The following PTPRO variants were observed in gnomAD, a reference collection of about 807,000 sequenced individuals.
PTPRO encodes the protein receptor-type tyrosine-protein phosphatase O.
PTPRO carries 62 observed loss-of-function variants against 145.2 expected under a neutral mutation model. The ratio of observed to expected loss-of-function variants is 0.43; its 90% CI spans 0.35 to 0.53. The LOEUF (loss-of-function observed/expected upper bound fraction) is 0.53, where lower values mean the gene tolerates loss of function less well. Among genes scored for constraint, PTPRO ranks in the 20% least tolerant of loss-of-function variants. The probability of loss-of-function intolerance (pLI) is 0.01; values close to 1 mark genes in which losing one functional copy is unlikely to be tolerated. For synonymous variants in PTPRO, 565 were observed against 514.7 expected (o/e 1.10, Z -1.32); for missense variants, 1,345 against 1,482.7 (o/e 0.91, Z 1.53).
chr12:15,367,832 G>A (rs1938408423), intron 1 of PTPRO, among the ~76,000 whole-genome samples: 1 of 152,108 alleles, frequency 6.6e-6, no homozygotes. Flanking sequence ...GGACCTGACG[G>A]GCTGTTGTTG....
At chr12:15,464,066 A>G (rs1238532223) in intron 1 of PTPRO, among the ~76,000 whole-genome samples, 6 of 152,220 alleles carry the variant, frequency 3.9e-5, no homozygotes, top group African/African-American at 1.2e-4. Flanking sequence ...CAGAAATTTT[A>G]TATACAGAAC....
chr12:15,456,114 T>C (rs1320580221), intron 1 of PTPRO, among the ~76,000 whole-genome samples: 3 of 152,228 alleles, frequency 2.0e-5, no homozygotes, highest in Non-Finnish European at 4.4e-5. Context: ...GCATTTCATG[T>C]ATGTCCTTTA....
chr12:15,584,176 G>A (rs145226953), intron 23 of PTPRO, among the ~76,000 whole-genome samples: 39 of 152,316 alleles, frequency 2.6e-4, no homozygotes, highest in African/African-American at 9.4e-4. Flanking sequence ...AGTTTCAGAA[G>A]CAAGTGCTGT....
At chr12:15,551,739 G>A in intron 15 of PTPRO, 68 bp downstream of exon 15, 1 of 1,538,006 alleles carries the variant, frequency 6.5e-7, no homozygotes, top group Admixed American at 1.7e-5. Context: ...TATATATATT[G>A]TTTTTGCACA....
intron 12 of PTPRO, among the ~76,000 whole-genome samples, chr12:15,528,355 A>G (rs1011163335): frequency 4.2e-4 from 55 of 130,236 alleles, no homozygotes; most frequent in Non-Finnish European, 8.4e-4. Context: ...TCTCTAATAA[A>G]AATACAAAAA....
intron 2 of PTPRO, among the ~76,000 whole-genome samples, chr12:15,496,142 G>GTTTTTTTTTTTTTTTTTT (rs71042255): frequency 9.3e-5 from 7 of 75,358 alleles, no homozygotes; most frequent in Admixed American, 1.9e-4. Context: ...TTCTTTTTTT[G>GTTTTTTTTTTTTTTTTTT]TTTTTTTTTT....
intron 3 of PTPRO, among the ~76,000 whole-genome samples, chr12:15,498,628 A>G (rs1200006419): frequency 3.3e-5 from 5 of 151,680 alleles, no homozygotes; most frequent in Non-Finnish European, 7.4e-5. Flanking sequence ...TGAAAAAATC[A>G]AAGAAACACA....
At chr12:15,334,573 C>T (rs1419144130) in intron 1 of PTPRO, among the ~76,000 whole-genome samples, 1 of 152,120 alleles carries the variant, frequency 6.6e-6, no homozygotes, top group Non-Finnish European at 1.5e-5. Context: ...TTGTAATGCA[C>T]TGATCTATAT....
At chr12:15,323,486 A>T (rs560184695) in intron 1 of PTPRO, among the ~76,000 whole-genome samples, 1 of 152,284 alleles carries the variant, frequency 6.6e-6, no homozygotes, top group African/African-American at 2.4e-5. Flanking sequence ...GGAATGTGCT[A>T]CCCTGAGGTT....
At chr12:15,346,477 C>G (rs1867216886) in intron 1 of PTPRO, 1 of 152,202 alleles carries the variant, frequency 6.6e-6, no homozygotes, top group South Asian at 2.1e-4. Context: ...AAGAAGTTGT[C>G]TGCAGCTTGT....
At chr12:15,444,252 C>T (rs1940844977) in intron 1 of PTPRO, among the ~76,000 whole-genome samples, 1 of 152,026 alleles carries the variant, frequency 6.6e-6, no homozygotes, top group Non-Finnish European at 1.5e-5. Context: ...CAAGTCCTGA[C>T]CATTCTCACT....
chr12:15,513,155 GAAA>G lies in PTPRO; in HGVS notation c.1465-2340_1465-2338del, dbSNP rs375973212. On this transcript the variant is annotated intron_variant, in intron 7 of 26. Transcript: ENST00000281171. ...AGGAAGGAAGGAAGAAAGAAAGAAAGAAAAAGAAAGAAAGAAAGAAAGAAAGAA... is the reference window on the plus strand; with the variant it reads ...AGGAAGGAAGGAAGAAAGAAAGAAAGAAGAAAGAAAGAAAGAAAGAAAGAA... Among the ~76,000 whole-genome samples the G allele has an allele frequency of 7.0e-4, 17 of 24,374 alleles. 1 individual carries two copies. The highest frequency in any genetic ancestry group is 1.1e-3 in the Admixed American group (2 of 1,782). The allele number at this position is 24,374 out of a possible 152,430, so 16.0% of individuals were successfully genotyped here.
At position 15,516,918 on chromosome 12, in the gene PTPRO, T is replaced by C. The variant is rs773202128; in HGVS notation, c.1741T>C (p.Tyr581His). 6.2e-7 allele frequency: 1 copy of C among 1,614,048 alleles called. No homozygotes were observed. The highest frequency in any genetic ancestry group is 8.5e-7 in the Non-Finnish European group (1 of 1,179,866). The change falls in exon 9 of 27, where the codon TAT becomes CAT. Residue 581 changes from tyrosine to histidine, a missense_variant. Around this residue, in one of 3 missense-constraint regions of PTPRO, gnomAD observed 1,130 missense variants for 1,214.7 expected, o/e 0.93. Coordinates refer to ENST00000281171, the MANE Select transcript of PTPRO (RefSeq NM_030667.3). ...ATMTSEWTTYYEIAATVSLTA... is the reference protein window; with the variant it reads ...ATMTSEWTTYHEIAATVSLTA... Reference sequence around the variant, plus strand: ...AATGACATCAGAGTGGACCACCTACTATGAAATAGCAGCAACTGTTTCCTT... The same window carrying C: ...AATGACATCAGAGTGGACCACCTACCATGAAATAGCAGCAACTGTTTCCTT...
intron 1 of PTPRO, among the ~76,000 whole-genome samples, chr12:15,390,008 G>C (rs921536626): frequency 6.6e-6 from 1 of 152,148 alleles, no homozygotes; most frequent in African/African-American, 2.4e-5. Context: ...ACATACATGA[G>C]AGGCAGCAGT....
At chr12:15,507,431 A>AAATG (rs1425026351) in intron 6 of PTPRO, among the ~76,000 whole-genome samples, 1 of 103,286 alleles carries the variant, frequency 9.7e-6, no homozygotes, top group African/African-American at 3.0e-5. Context: ...ATAAATAAAT[A>AAATG]AATAAATAAA....
At chr12:15,593,205 CGT>C (rs1375858109) in intron 25 of PTPRO, among the ~76,000 whole-genome samples, 1 of 152,126 alleles carries the variant, frequency 6.6e-6, no homozygotes, top group Non-Finnish European at 1.5e-5. Flanking sequence ...TTCTCCAAAC[CGT>C]GTTGAAAAAT....
At chr12:15,364,533 C>T (rs188878395) in intron 1 of PTPRO, among the ~76,000 whole-genome samples, 108 of 152,248 alleles carry the variant, frequency 7.1e-4, no homozygotes, top group African/African-American at 2.2e-3. Context: ...TATATCATGA[C>T]AGGTCAGAGC....
intron 1 of PTPRO, among the ~76,000 whole-genome samples, chr12:15,473,150 A>G (rs1380532336): frequency 1.3e-5 from 2 of 152,180 alleles, no homozygotes; most frequent in Non-Finnish European, 2.9e-5. Flanking sequence ...CTCAGATAGA[A>G]TTTCAGACAG....
At chr12:15,509,858 C>T (rs943565085) in intron 7 of PTPRO, among the ~76,000 whole-genome samples, 5 of 152,042 alleles carry the variant, frequency 3.3e-5, no homozygotes, top group African/African-American at 4.8e-5. Flanking sequence ...GCAGAAGGAA[C>T]GCATATGCCA....
Sources: gnomAD v4.1 joint callset for allele counts (sites outside exome capture counted in the v4.1 genomes callset) on GRCh38, gnomAD v4.1.1 for gene constraint, gnomAD v4.1.1 regional missense constraint, MANE v1.5 for transcripts, NCBI Gene and HGNC (gene_info 2026-07-23, HGNC 2026-07-21) for gene names.